LDLRAD3: variants seen among roughly 807,000 people sequenced by gnomAD.
The protein encoded by LDLRAD3 is low-density lipoprotein receptor class A domain-containing protein 3.
A neutral mutation model predicts 29.4 loss-of-function variants in LDLRAD3; 20 were observed. The observed-to-expected ratio is 0.68, with a 90% CI of 0.48 to 0.99. LDLRAD3 has a LOEUF of 0.99. Ranked by LOEUF, LDLRAD3 falls within the 50% of genes least tolerant of loss-of-function variation. The pLI, the probability that LDLRAD3 is intolerant of heterozygous loss-of-function variation, is 0.00. For missense variants in LDLRAD3, 420 were observed against 454.3 expected, an observed-to-expected ratio of 0.92 and a Z score of 0.69; for synonymous variants, 157 against 192.7, an observed-to-expected ratio of 0.81 and a Z score of 1.53.
intron 4 of LDLRAD3, among the ~76,000 whole-genome samples, chr11:36,205,736 A>G (rs1855197700): frequency 6.6e-6 from 1 of 152,222 alleles, no homozygotes; most frequent in Admixed American, 6.5e-5. Flanking sequence ...AAAAAATACA[A>G]TTAGCTGAGT....
At chr11:35,967,249 C>T (rs748235566) in intron 1 of LDLRAD3, 25 of 204,764 alleles carry the variant, frequency 1.2e-4, no homozygotes, top group Non-Finnish European at 2.1e-4. Flanking sequence ...CCAGGGAGGG[C>T]CAGGGCCAAT....
chr11:36,040,732 T>A (rs1852370220), intron 2 of LDLRAD3, among the ~76,000 whole-genome samples: 1 of 152,222 alleles, frequency 6.6e-6, no homozygotes, highest in African/African-American at 2.4e-5. Context: ...AGGCGCCTTT[T>A]CTGGCTCTTG....
At chr11:36,182,946 G>A (rs1285443063) in intron 4 of LDLRAD3, among the ~76,000 whole-genome samples, 1 of 152,214 alleles carries the variant, frequency 6.6e-6, no homozygotes, top group Non-Finnish European at 1.5e-5. Flanking sequence ...GGCTAAGACA[G>A]TTGTGTCAAG....
intron 4 of LDLRAD3, among the ~76,000 whole-genome samples, chr11:36,136,886 T>C (rs1034763276): frequency 2.6e-5 from 4 of 152,144 alleles, no homozygotes; most frequent in Admixed American, 6.5e-5. Context: ...AGGCAGGGTT[T>C]TGCCATGTTG....
chr11:36,078,448 G>A (rs1269298739), intron 2 of LDLRAD3, among the ~76,000 whole-genome samples: 2 of 152,208 alleles, frequency 1.3e-5, no homozygotes, highest in Non-Finnish European at 2.9e-5. Flanking sequence ...GGGGACTTGT[G>A]TGTCAGTGCT....
At chr11:36,125,461 G>T (rs951949795) in intron 4 of LDLRAD3, among the ~76,000 whole-genome samples, 2 of 152,212 alleles carry the variant, frequency 1.3e-5, no homozygotes, top group South Asian at 2.1e-4. Flanking sequence ...GCAGCAAGCA[G>T]TACATGTTTC....
At chr11:36,198,444 C>T (rs1220699338) in intron 4 of LDLRAD3, among the ~76,000 whole-genome samples, 1 of 152,154 alleles carries the variant, frequency 6.6e-6, no homozygotes, top group African/African-American at 2.4e-5. Context: ...ATACTGTCCA[C>T]TAATGTGCTG....
chr11:36,074,444 C>T lies in LDLRAD3; in HGVS notation c.194-7209C>T, dbSNP rs145138692. 8.5e-5 allele frequency among the ~76,000 whole-genome samples: 13 copies of T among 152,256 alleles called. No individual in the cohort carries two copies. In the East Asian group the frequency reaches 2.5e-3, roughly 29 times the overall value. On this transcript the variant is annotated intron_variant, in intron 2 of 5. Transcript: ENST00000315571. ...AGCCCTGGGAAAAAGACATTCCAGG[C>T]AGTGGGAACAGAGAGTGCAAAGGCC... is the stretch of plus-strand genomic sequence containing the variant.
At chr11:36,019,686 G>A (rs1249033534) in intron 1 of LDLRAD3, among the ~76,000 whole-genome samples, 1 of 152,164 alleles carries the variant, frequency 6.6e-6, no homozygotes, top group African/African-American at 2.4e-5. Context: ...CTGGGTGAGA[G>A]TCCCAGAGCA....
chr11:35,982,734 C>A (rs1851557359), intron 1 of LDLRAD3, among the ~76,000 whole-genome samples: 2 of 152,042 alleles, frequency 1.3e-5, no homozygotes, highest in African/African-American at 2.4e-5. Context: ...GACAGCTCAG[C>A]TCTCTCTAAG....
At chr11:35,995,309 G>T (rs566670202) in intron 1 of LDLRAD3, among the ~76,000 whole-genome samples, 1 of 152,236 alleles carries the variant, frequency 6.6e-6, no homozygotes, top group African/African-American at 2.4e-5. Flanking sequence ...AACAGAGCTT[G>T]TGGGTAACCA....
intron 2 of LDLRAD3, among the ~76,000 whole-genome samples, chr11:36,058,967 T>A (rs1852660791): frequency 1.3e-5 from 2 of 152,350 alleles, no homozygotes; most frequent in South Asian, 4.1e-4. Flanking sequence ...TGTAAGGCAC[T>A]GTTGTCACTC....
At chr11:35,946,862 C>G (rs1851063668) in intron 1 of LDLRAD3, among the ~76,000 whole-genome samples, 1 of 152,196 alleles carries the variant, frequency 6.6e-6, no homozygotes, top group Non-Finnish European at 1.5e-5. Context: ...CATCTCAGCA[C>G]AGCTCAGCTC....
At chr11:35,957,479 T>C (rs1288620141) in intron 1 of LDLRAD3, among the ~76,000 whole-genome samples, 1 of 152,084 alleles carries the variant, frequency 6.6e-6, no homozygotes, top group East Asian at 1.9e-4. Flanking sequence ...GTTGGAATCG[T>C]GTAGGATGTA....
At chr11:36,112,844 A>G (rs1590277429) in intron 4 of LDLRAD3, among the ~76,000 whole-genome samples, 1 of 152,214 alleles carries the variant, frequency 6.6e-6, no homozygotes, top group Non-Finnish European at 1.5e-5. Context: ...TTTTCCTCAG[A>G]TGTTTTCCCA....
chr11:35,953,186 C>T (rs1293890237), intron 1 of LDLRAD3, among the ~76,000 whole-genome samples: 1 of 152,190 alleles, frequency 6.6e-6, no homozygotes, highest in African/African-American at 2.4e-5. Context: ...TTGCCCAAAT[C>T]CAACTGTGAT....
chr11:36,166,250 G>A (rs1854514445), intron 4 of LDLRAD3, among the ~76,000 whole-genome samples: 3 of 152,180 alleles, frequency 2.0e-5, no homozygotes, highest in Admixed American at 2.0e-4. Context: ...ATCTGGAAAT[G>A]AAACATTGCT....
chr11:36,145,328 C>G (rs1773104344), intron 4 of LDLRAD3, among the ~76,000 whole-genome samples: 1 of 96,722 alleles, frequency 1.0e-5, no homozygotes. Flanking sequence ...GCCACCCCTA[C>G]TGGGAAGTGA....
At chr11:36,147,823 G>A (rs1233924130) in intron 4 of LDLRAD3, among the ~76,000 whole-genome samples, 1 of 151,978 alleles carries the variant, frequency 6.6e-6, no homozygotes, top group East Asian at 1.9e-4. Context: ...AGTCTTTATT[G>A]CCTGGGCCTT....
Sources: gnomAD v4.1 joint callset for allele counts (sites outside exome capture counted in the v4.1 genomes callset) on GRCh38, gnomAD v4.1.1 for gene constraint, MANE v1.5 for transcripts, NCBI Gene and HGNC (gene_info 2026-07-23, HGNC 2026-07-21) for gene names.